Variants in FGF10 observed in about 807,000 individuals in gnomAD.
FGF10 encodes FGF-10.
Under a neutral mutation model 19.8 loss-of-function variants are expected in FGF10, and 2 were observed. That is an observed-to-expected ratio of 0.10 (90% CI 0.04 to 0.32). The LOEUF is 0.32. FGF10 is among the 10% of genes least tolerant of loss of function. The pLI is 1.00. For synonymous variants in FGF10, 112 were observed against 94.0 expected (o/e 1.19, Z -1.10); for missense variants, 191 against 246.3 (o/e 0.78, Z 1.50).
At chr5:44,338,822 CAT>C (rs1338860561) in intron 1 of FGF10, among the ~76,000 whole-genome samples, 1 of 152,066 alleles carries the variant, frequency 6.6e-6, no homozygotes, top group Non-Finnish European at 1.5e-5. Flanking sequence ...AAGAATGAGA[CAT>C]GTTATTGTTA....
chr5:44,352,107 C>A (rs1430140435), intron 1 of FGF10, among the ~76,000 whole-genome samples: 1 of 151,470 alleles, frequency 6.6e-6, no homozygotes, highest in Non-Finnish European at 1.5e-5. Flanking sequence ...GAAAGAGGAG[C>A]ACATTTGGGG....
chr5:44,321,153 C>T (rs1434227733), intron 1 of FGF10, among the ~76,000 whole-genome samples: 1 of 152,182 alleles, frequency 6.6e-6, no homozygotes, highest in African/African-American at 2.4e-5. Flanking sequence ...GTTGATCCTT[C>T]CTGCTGCTAA....
chr5:44,340,626 G>C (rs1160698524), intron 1 of FGF10, among the ~76,000 whole-genome samples: 1 of 151,842 alleles, frequency 6.6e-6, no homozygotes, highest in East Asian at 1.9e-4. Flanking sequence ...ATAGTTGTTG[G>C]TTTTCACTTT....
intron 1 of FGF10, among the ~76,000 whole-genome samples, chr5:44,372,917 C>T (rs1160779792): frequency 6.6e-6 from 1 of 152,208 alleles, no homozygotes; most frequent in Non-Finnish European, 1.5e-5. Flanking sequence ...AGAGTCTCTG[C>T]TTCTATGCCT....
At chr5:44,319,885 G>A (rs1447308964) in intron 1 of FGF10, among the ~76,000 whole-genome samples, 1 of 152,136 alleles carries the variant, frequency 6.6e-6, no homozygotes, top group East Asian at 1.9e-4. Flanking sequence ...CCATGGCCTG[G>A]TAGGAACCAG....
chr5:44,317,081 A>T (rs2111712002), intron 1 of FGF10, among the ~76,000 whole-genome samples: 1 of 152,256 alleles, frequency 6.6e-6, no homozygotes, highest in East Asian at 1.9e-4. Context: ...CTCTAGAATG[A>T]TCTCATTGCC....
chr5:44,326,301 A>G (rs1451247230), intron 1 of FGF10, among the ~76,000 whole-genome samples: 1 of 152,194 alleles, frequency 6.6e-6, no homozygotes, highest in Non-Finnish European at 1.5e-5. Flanking sequence ...AACTCTTTCA[A>G]CATTCTGATC....
chr5:44,326,809 T>C (rs536364899), intron 1 of FGF10, among the ~76,000 whole-genome samples: 3 of 152,322 alleles, frequency 2.0e-5, no homozygotes, highest in Middle Eastern at 3.4e-3. Flanking sequence ...TTAATAAATT[T>C]ATCTGAAGAA....
intron 1 of FGF10, among the ~76,000 whole-genome samples, chr5:44,361,294 T>A (rs533443490): frequency 6.6e-6 from 1 of 151,826 alleles, no homozygotes; most frequent in South Asian, 2.1e-4. Context: ...ATTTTTAAGC[T>A]GGAGAAATAA....
At chr5:44,350,646 G>T (rs1235399742) in intron 1 of FGF10, among the ~76,000 whole-genome samples, 1 of 150,294 alleles carries the variant, frequency 6.7e-6, no homozygotes, top group South Asian at 2.1e-4. Context: ...ATATATTATT[G>T]CTGTGTATTA....
chr5:44,330,236 A>T (rs532374838), intron 1 of FGF10, among the ~76,000 whole-genome samples: 1 of 152,332 alleles, frequency 6.6e-6, no homozygotes, highest in African/African-American at 2.4e-5. Context: ...TTCTCAACAT[A>T]TGGCTTATGT....
intron 1 of FGF10, among the ~76,000 whole-genome samples, chr5:44,367,421 T>G (rs570779505): frequency 1.3e-5 from 2 of 152,238 alleles, no homozygotes; most frequent in East Asian, 3.9e-4. Context: ...GCATAGTGAC[T>G]AATTTGCCTC....
chr5:44,338,016 T>C (rs1404922777), intron 1 of FGF10, among the ~76,000 whole-genome samples: 2 of 152,194 alleles, frequency 1.3e-5, no homozygotes, highest in African/African-American at 4.8e-5. Context: ...CAAATAAATG[T>C]ATGTATTAAA....
intron 1 of FGF10, among the ~76,000 whole-genome samples, chr5:44,385,205 GCT>G (rs1742070629): frequency 6.6e-6 from 1 of 152,100 alleles, no homozygotes; most frequent in African/African-American, 2.4e-5. Flanking sequence ...ATTCATCTCT[GCT>G]CTCTTTATTC....
intron 1 of FGF10, among the ~76,000 whole-genome samples, chr5:44,335,766 A>G (rs1740834490): frequency 6.6e-6 from 1 of 152,096 alleles, no homozygotes; most frequent in African/African-American, 2.4e-5. Context: ...CATATTGAAA[A>G]TGAAAGACAA....
intron 1 of FGF10, among the ~76,000 whole-genome samples, chr5:44,335,028 A>G (rs1327591302): frequency 6.6e-6 from 1 of 152,116 alleles, no homozygotes; most frequent in Non-Finnish European, 1.5e-5. Context: ...ATTTAATTTA[A>G]TCTTTTCCAA....
intron 2 of FGF10, 29 bp downstream of exon 2, chr5:44,310,398 G>T: frequency 6.8e-7 from 1 of 1,461,092 alleles, no homozygotes; most frequent in Non-Finnish European, 9.6e-7. Flanking sequence ...TTACTGGAGT[G>T]GATTTGAAAA....
intron 1 of FGF10, among the ~76,000 whole-genome samples, chr5:44,377,778 G>C (rs917760925): frequency 1.3e-5 from 2 of 152,056 alleles, no homozygotes; most frequent in Admixed American, 6.5e-5. Flanking sequence ...CTTGGGGATG[G>C]GACCCAAGTC....
At chr5:44,338,825 G>C (rs1203982908) in intron 1 of FGF10, among the ~76,000 whole-genome samples, 3 of 152,166 alleles carry the variant, frequency 2.0e-5, no homozygotes, top group African/African-American at 7.2e-5. Context: ...AATGAGACAT[G>C]TTATTGTTAT....
Sources: gnomAD v4.1 joint callset for allele counts (sites outside exome capture counted in the v4.1 genomes callset) on GRCh38, gnomAD v4.1.1 for gene constraint, MANE v1.5 for transcripts, NCBI Gene and HGNC (gene_info 2026-07-23, HGNC 2026-07-21) for gene names.